ARHGAP18: variants seen among roughly 807,000 people sequenced by gnomAD.
The protein encoded by ARHGAP18 is Rho GTPase activating protein 18.
ARHGAP18 carries 67 observed loss-of-function variants against 86.2 expected under a neutral mutation model. The observed-to-expected ratio is 0.78, with a 90% confidence interval of 0.64 to 0.95. The LOEUF (loss-of-function observed/expected upper bound fraction) is 0.95. Ranked by LOEUF, ARHGAP18 falls within the 40% of genes least tolerant of loss-of-function variation. ARHGAP18 has a pLI of 0.00. For missense variants in ARHGAP18, 691 were observed against 780.4 expected (o/e 0.89, Z 1.37); for synonymous variants, 283 against 280.4 (o/e 1.01, Z -0.09).
intron 1 of ARHGAP18, among the ~76,000 whole-genome samples, chr6:129,681,452 T>TA (rs1774323483): frequency 6.6e-6 from 1 of 152,358 alleles, no homozygotes; most frequent in African/African-American, 2.4e-5. Context: ...AAAACCTACA[T>TA]ATAAATCAAT....
intron 12 of ARHGAP18, among the ~76,000 whole-genome samples, chr6:129,586,563 G>A (rs1788398618): frequency 1.3e-5 from 2 of 152,124 alleles, no homozygotes. Flanking sequence ...ATCAGGGACA[G>A]AAATTGTTCC....
At chr6:129,587,905 T>C (rs1788430324) in intron 12 of ARHGAP18, among the ~76,000 whole-genome samples, 1 of 152,164 alleles carries the variant, frequency 6.6e-6, no homozygotes, top group Admixed American at 6.5e-5. Context: ...CATTCCAGCA[T>C]TTACCCAAAA....
chr6:129,699,098 A>C (rs576484707), intron 1 of ARHGAP18, among the ~76,000 whole-genome samples: 21 of 152,256 alleles, frequency 1.4e-4, no homozygotes, highest in Admixed American at 7.8e-4. Context: ...CGGCCTCCCA[A>C]AGTGCTGGGA....
At position 129,625,939 on chromosome 6, in the gene ARHGAP18, ATTATATAT is replaced by A. The variant is rs1383687192; in HGVS notation, c.786+3406_786+3413del. On this transcript the variant is annotated intron_variant, in intron 5 of 14. Coordinates refer to ENST00000368149, the MANE Select transcript of ARHGAP18 (RefSeq NM_033515.3). ...TATTATAGATATTTATATATTATAT[ATTATATAT>A]TTATATATTATATATTTATATATTA... Among the ~76,000 whole-genome samples, 5 of 94,790 alleles carry A rather than the reference ATTATATAT, an allele frequency of 5.3e-5. 1 individual carries two copies. The East Asian group carries it at 7.2e-4, about 14-fold the overall frequency. The allele number at this position is 94,790 out of a possible 152,430, so 62.2% of individuals were successfully genotyped here. A position where few individuals can be genotyped will look rare whatever the true frequency, so the allele number is the denominator to read the frequency against.
intron 1 of ARHGAP18, among the ~76,000 whole-genome samples, chr6:129,684,444 T>A (rs906564803): frequency 6.6e-6 from 1 of 152,224 alleles, no homozygotes; most frequent in Admixed American, 6.5e-5. Flanking sequence ...ATTAATAATA[T>A]AAGTGACTTT....
At chr6:129,647,628 A>G (rs1773607057) in intron 1 of ARHGAP18, among the ~76,000 whole-genome samples, 2 of 152,142 alleles carry the variant, frequency 1.3e-5, no homozygotes, top group Admixed American at 1.3e-4. Context: ...ATAAGACAGA[A>G]GAATAAAATT....
intron 1 of ARHGAP18, among the ~76,000 whole-genome samples, chr6:129,666,990 C>T (rs6906744): frequency 0.52 from 78,498 of 151,910 alleles, 21,031 homozygotes; most frequent in African/African-American, 0.66. Flanking sequence ...TCTACAAATA[C>T]TCCTTTGTTA....
Position 129,640,674 on chromosome 6 carries a change from A to T in ARHGAP18, c.316+1142T>A, listed in dbSNP as rs985722975. Among the ~76,000 whole-genome samples the T allele has an allele frequency of 5.9e-5, 9 of 152,310 alleles. No homozygotes were observed. In the East Asian group the frequency reaches 1.7e-3, roughly 29 times the overall value. ...ATGTGTAGCCAAGGAAAAAAATCTTATTTATATAGATTTTGCTAGTTAATT... is the reference window on the plus strand; with the variant it reads ...ATGTGTAGCCAAGGAAAAAAATCTTTTTTATATAGATTTTGCTAGTTAATT... On this transcript the variant is annotated intron_variant, in intron 2 of 14. Transcript: ENST00000368149.
chr6:129,590,390 T>G (rs1788484897), intron 12 of ARHGAP18, among the ~76,000 whole-genome samples: 1 of 152,124 alleles, frequency 6.6e-6, no homozygotes, highest in Non-Finnish European at 1.5e-5. Context: ...GTTAAGAGTT[T>G]TAATAGAGAG....
chr6:129,695,001 A>G (rs949249206), intron 1 of ARHGAP18, among the ~76,000 whole-genome samples: 1 of 152,242 alleles, frequency 6.6e-6, no homozygotes, highest in African/African-American at 2.4e-5. Context: ...ACTATTACAA[A>G]AAAGCCTAAA....
chr6:129,658,110 G>A (rs146352990), intron 1 of ARHGAP18, among the ~76,000 whole-genome samples: 27 of 152,316 alleles, frequency 1.8e-4, no homozygotes, highest in East Asian at 1.9e-4. Context: ...ACTGTTCACC[G>A]TGTGAGCATG....
chr6:129,659,100 C>A (rs1000274135), intron 1 of ARHGAP18, among the ~76,000 whole-genome samples: 11 of 152,238 alleles, frequency 7.2e-5, no homozygotes, highest in Non-Finnish European at 1.5e-4. Context: ...TTAATGAAAT[C>A]CTTTTTATTC....
intron 1 of ARHGAP18, among the ~76,000 whole-genome samples, chr6:129,701,346 T>C (rs1774707145): frequency 6.6e-6 from 1 of 152,204 alleles, no homozygotes; most frequent in East Asian, 1.9e-4. Context: ...ACATCCTTTG[T>C]CCAGGAATCT....
intron 12 of ARHGAP18, among the ~76,000 whole-genome samples, chr6:129,584,957 T>C (rs968100023): frequency 2.8e-4 from 42 of 152,032 alleles, no homozygotes; most frequent in African/African-American, 9.7e-4. Flanking sequence ...TAGGTTTACT[T>C]ACCCAGTAAT....
intron 1 of ARHGAP18, among the ~76,000 whole-genome samples, chr6:129,678,449 T>C (rs1774272103): frequency 6.6e-6 from 1 of 152,218 alleles, no homozygotes; most frequent in African/African-American, 2.4e-5. Flanking sequence ...CGCTGGCATC[T>C]GTACTTATGG....
intron 4 of ARHGAP18, among the ~76,000 whole-genome samples, chr6:129,630,474 G>A (rs575162755): frequency 3.1e-4 from 47 of 152,284 alleles, no homozygotes; most frequent in African/African-American, 1.1e-3. Context: ...TCTATGCAGT[G>A]TAGACACATG....
intron 1 of ARHGAP18, among the ~76,000 whole-genome samples, chr6:129,704,219 C>T (rs1417415405): frequency 3.9e-5 from 6 of 152,004 alleles, no homozygotes; most frequent in East Asian, 3.9e-4. Context: ...GCGAGGCAGG[C>T]GGATCACTTG....
At chr6:129,706,055 A>T (rs1211341046) in intron 1 of ARHGAP18, among the ~76,000 whole-genome samples, 1 of 152,250 alleles carries the variant, frequency 6.6e-6, no homozygotes, top group African/African-American at 2.4e-5. Context: ...TATCTCACTC[A>T]TCAGTCCATT....
At chr6:129,689,242 A>G (rs1774484541) in intron 1 of ARHGAP18, among the ~76,000 whole-genome samples, 1 of 152,150 alleles carries the variant, frequency 6.6e-6, no homozygotes, top group Non-Finnish European at 1.5e-5. Context: ...TCCCTCTCAC[A>G]TGAGGATAAG....
Sources: allele counts gnomAD v4.1 joint callset (sites outside exome capture counted in the v4.1 genomes callset), GRCh38; gene constraint gnomAD v4.1.1; transcripts MANE v1.5; gene names NCBI Gene and HGNC (gene_info 2026-07-23, HGNC 2026-07-21).